GREM2: variants seen among roughly 807,000 people sequenced by gnomAD.
GREM2 encodes gremlin-2.
In GREM2, 11 loss-of-function variants were observed where a neutral mutation model predicts 14.2. That is an observed-to-expected ratio of 0.78 (90% CI 0.49 to 1.28). The LOEUF (loss-of-function observed/expected upper bound fraction) is 1.28, where lower values mean the gene tolerates loss of function less well. Among genes scored for constraint, GREM2 ranks in the 50% most tolerant of loss-of-function variants. GREM2 has a pLI of 0.00. For synonymous variants in GREM2, 98 were observed against 97.6 expected (o/e 1.00, Z -0.02); for missense variants, 210 against 218.5 (o/e 0.96, Z 0.24).
intron 1 of GREM2, among the ~76,000 whole-genome samples, chr1:240,582,553 T>C (rs1412531352): frequency 1.3e-5 from 2 of 152,138 alleles, no homozygotes; most frequent in Non-Finnish European, 2.9e-5. Flanking sequence ...CTCAGCACTT[T>C]GGGAGGCCGA....
intron 1 of GREM2, among the ~76,000 whole-genome samples, chr1:240,563,073 GTA>G (rs1432773104): frequency 5.3e-5 from 8 of 150,286 alleles, no homozygotes; most frequent in African/African-American, 1.5e-4. Flanking sequence ...GTGTATGTGT[GTA>G]TATGTGAGTG....
At chr1:240,504,174 G>T (rs950688647) in intron 1 of GREM2, among the ~76,000 whole-genome samples, 2 of 152,038 alleles carry the variant, frequency 1.3e-5, no homozygotes, top group Non-Finnish European at 2.9e-5. Context: ...TATTAAAAAT[G>T]GAATATTTGA....
intron 1 of GREM2, among the ~76,000 whole-genome samples, chr1:240,568,525 A>C (rs2103360493): frequency 6.6e-6 from 1 of 152,284 alleles, no homozygotes; most frequent in African/African-American, 2.4e-5. Context: ...CAGCTCCTTA[A>C]AAGAAAGATC....
intron 1 of GREM2, among the ~76,000 whole-genome samples, chr1:240,603,663 A>G (rs2102872861): frequency 6.6e-6 from 1 of 152,266 alleles, no homozygotes; most frequent in East Asian, 1.9e-4. Flanking sequence ...GGACTGCCTT[A>G]AAGTCTGATG....
intron 1 of GREM2, among the ~76,000 whole-genome samples, chr1:240,538,074 A>G (rs751507902): frequency 1.2e-4 from 19 of 152,214 alleles, no homozygotes; most frequent in Non-Finnish European, 2.1e-4. Flanking sequence ...ATTCAAAGTA[A>G]TGACAGTCAA....
At chr1:240,594,599 G>A (rs1421428632) in intron 1 of GREM2, among the ~76,000 whole-genome samples, 1 of 152,044 alleles carries the variant, frequency 6.6e-6, no homozygotes, top group Non-Finnish European at 1.5e-5. Flanking sequence ...ACCAAGTTGA[G>A]TTTGTATATG....
At chr1:240,529,462 T>C (rs1190493918) in intron 1 of GREM2, among the ~76,000 whole-genome samples, 2 of 152,072 alleles carry the variant, frequency 1.3e-5, no homozygotes, top group Admixed American at 6.6e-5. Flanking sequence ...ACCATCTTAT[T>C]GTGAAATGAC....
intron 1 of GREM2, among the ~76,000 whole-genome samples, chr1:240,599,361 C>T (rs1679876689): frequency 6.6e-6 from 1 of 151,808 alleles, no homozygotes; most frequent in Non-Finnish European, 1.5e-5. Flanking sequence ...TGGTTCTGTG[C>T]ATGTGTGGTT....
At chr1:240,534,567 C>G (rs964145453) in intron 1 of GREM2, among the ~76,000 whole-genome samples, 14 of 152,070 alleles carry the variant, frequency 9.2e-5, no homozygotes, top group African/African-American at 2.7e-4. Context: ...TGGCGGGCGC[C>G]TGTAGTCCCA....
chr1:240,510,235 TGGCG>T (rs1394783151), intron 1 of GREM2, among the ~76,000 whole-genome samples: 4 of 151,506 alleles, frequency 2.6e-5, no homozygotes, highest in Non-Finnish European at 5.9e-5. Context: ...CCGGGCGTGG[TGGCG>T]GGCGCCTGTA....
chr1:240,600,350 A>G (rs1679898342), intron 1 of GREM2, among the ~76,000 whole-genome samples: 3 of 152,150 alleles, frequency 2.0e-5, no homozygotes, highest in Admixed American at 1.3e-4. Flanking sequence ...AATTTCCCAG[A>G]CCTTTACAGG....
intron 1 of GREM2, chr1:240,549,731 C>T (rs1413520319): frequency 6.6e-6 from 1 of 152,274 alleles, no homozygotes; most frequent in Non-Finnish European, 1.5e-5. Flanking sequence ...AGATGTGGCT[C>T]TGTGTCACAC....
chr1:240,521,311 G>T (rs191284557), intron 1 of GREM2, among the ~76,000 whole-genome samples: 1 of 152,326 alleles, frequency 6.6e-6, no homozygotes, highest in Admixed American at 6.5e-5. Flanking sequence ...GCTCACGCCT[G>T]TAATCCCAGC....
chr1:240,495,938 T>TTTGTTC (rs1677402872), intron 1 of GREM2, among the ~76,000 whole-genome samples: 1 of 150,154 alleles, frequency 6.7e-6, no homozygotes, highest in Non-Finnish European at 1.5e-5. Context: ...TTTTTTTGTT[T>TTTGTTC]TTGTTTTTGT....
intron 1 of GREM2, among the ~76,000 whole-genome samples, chr1:240,584,791 A>C (rs1057490009): frequency 1.3e-5 from 2 of 152,154 alleles, no homozygotes; most frequent in African/African-American, 4.8e-5. Flanking sequence ...AGTATCCTAG[A>C]GTTTATTTAA....
chr1:240,564,124 G>A (rs116679101), intron 1 of GREM2, among the ~76,000 whole-genome samples: 3,007 of 152,014 alleles, frequency 0.02, 88 homozygotes, highest in African/African-American at 0.067. Context: ...CAGGAGGATC[G>A]CTTGACCCAG....
intron 1 of GREM2, among the ~76,000 whole-genome samples, chr1:240,610,257 A>C (rs374566615): frequency 6.2e-4 from 94 of 152,140 alleles, no homozygotes; most frequent in African/African-American, 2.2e-3. Flanking sequence ...ATTTATTTGC[A>C]CAGATCAGTT....
intron 1 of GREM2, among the ~76,000 whole-genome samples, chr1:240,526,321 C>G (rs940225760): frequency 6.6e-6 from 1 of 152,108 alleles, no homozygotes; most frequent in Admixed American, 6.5e-5. Context: ...ATAATTGCAA[C>G]GGATGGGTAG....
At chr1:240,570,357 GGGGCT>G (rs1307802167) in intron 1 of GREM2, among the ~76,000 whole-genome samples, 2 of 152,124 alleles carry the variant, frequency 1.3e-5, no homozygotes, top group Non-Finnish European at 2.9e-5. Context: ...AGCTACTCGG[GGGGCT>G]GAGGCAAGAT....
Sources: gnomAD v4.1 joint callset for allele counts (sites outside exome capture counted in the v4.1 genomes callset) on GRCh38, gnomAD v4.1.1 for gene constraint, MANE v1.5 for transcripts, NCBI Gene and HGNC (gene_info 2026-07-23, HGNC 2026-07-21) for gene names.